The following NAV3 variants were observed in gnomAD, a reference collection of about 807,000 sequenced individuals.
NAV3 encodes neuron navigator 3.
A neutral mutation model predicts 244.7 loss-of-function variants in NAV3; 87 were observed. The ratio of observed to expected loss-of-function variants is 0.36; its 90% CI spans 0.30 to 0.42. The LOEUF is 0.42. Ranked by LOEUF, NAV3 falls within the 20% of genes least tolerant of loss-of-function variation. The pLI, the probability that NAV3 is intolerant of heterozygous loss-of-function variation, is 1.00. For missense variants in NAV3, 2,663 were observed against 2,893.3 expected (o/e 0.92, Z 1.83); for synonymous variants, 1,126 against 1,042.2 (o/e 1.08, Z -1.55).
At chr12:77,997,692 C>A (rs1404131289) in intron 6 of NAV3, among the ~76,000 whole-genome samples, 1 of 152,188 alleles carries the variant, frequency 6.6e-6, no homozygotes, top group Non-Finnish European at 1.5e-5. Flanking sequence ...TGTGAGACAA[C>A]CAGCTAAGTC....
At chr12:78,057,374 C>T (rs1377783717) in intron 11 of NAV3, among the ~76,000 whole-genome samples, 3 of 152,090 alleles carry the variant, frequency 2.0e-5, no homozygotes, top group Non-Finnish European at 4.4e-5. Flanking sequence ...CCTGCTTCTG[C>T]CTTGATCCTC....
chr12:77,737,529 C>T (rs557434919), intron 2 of NAV3, among the ~76,000 whole-genome samples: 8 of 151,718 alleles, frequency 5.3e-5, no homozygotes, highest in South Asian at 2.1e-4. Flanking sequence ...TGCTGTACAC[C>T]GAGGATTAAG....
intron 2 of NAV3, among the ~76,000 whole-genome samples, chr12:77,573,748 G>A (rs1868944136): frequency 1.3e-5 from 2 of 152,140 alleles, no homozygotes; most frequent in Non-Finnish European, 2.9e-5. Flanking sequence ...GAGGGAGGGA[G>A]GTAATAGGTA....
At chr12:78,150,552 T>C (rs1024844666) in intron 22 of NAV3, among the ~76,000 whole-genome samples, 1 of 151,580 alleles carries the variant, frequency 6.6e-6, no homozygotes, top group African/African-American at 2.4e-5. Flanking sequence ...TGATTATTGG[T>C]TTCTTGTGTA....
At chr12:78,116,987 C>T (rs1955415540) in intron 13 of NAV3, 83 bp downstream of exon 13, 3 of 1,453,388 alleles carry the variant, frequency 2.1e-6, no homozygotes, top group Non-Finnish European at 2.8e-6. Context: ...AGGTATAGCA[C>T]AAGCCCTTAA....
chr12:77,900,666 C>T (rs140682422), intron 1 of NAV3, among the ~76,000 whole-genome samples: 18 of 152,130 alleles, frequency 1.2e-4, no homozygotes, highest in Middle Eastern at 3.4e-3. Context: ...AATAGTGCTG[C>T]GATTAACATA....
chr12:77,640,446 G>A (rs1379213741), intron 2 of NAV3, among the ~76,000 whole-genome samples: 1 of 151,878 alleles, frequency 6.6e-6, no homozygotes, highest in Non-Finnish European at 1.5e-5. Context: ...CCCATCCCTG[G>A]TAACCATCAT....
chr12:78,150,388 A>T (rs1175963960), intron 22 of NAV3, among the ~76,000 whole-genome samples: 1 of 152,108 alleles, frequency 6.6e-6, no homozygotes, highest in Non-Finnish European at 1.5e-5. Flanking sequence ...TTGGAATAAT[A>T]AATGGCTGCT....
At chr12:77,578,570 T>A (rs1366008289) in intron 2 of NAV3, among the ~76,000 whole-genome samples, 2 of 152,212 alleles carry the variant, frequency 1.3e-5, no homozygotes, top group East Asian at 3.8e-4. Flanking sequence ...GTATTCATAT[T>A]TGTTTCAGTC....
intron 2 of NAV3, among the ~76,000 whole-genome samples, chr12:77,714,002 C>T (rs1302741497): frequency 6.6e-6 from 1 of 152,042 alleles, no homozygotes; most frequent in Non-Finnish European, 1.5e-5. Flanking sequence ...GATACATTTT[C>T]TGCATAGTAG....
At chr12:78,019,678 A>C (rs1876823995) in intron 8 of NAV3, among the ~76,000 whole-genome samples, 1 of 152,082 alleles carries the variant, frequency 6.6e-6, no homozygotes, top group Admixed American at 6.6e-5. Context: ...TTTTGGCAGG[A>C]AGCTGTGGAA....
intron 2 of NAV3, among the ~76,000 whole-genome samples, chr12:77,731,731 G>A (rs1432553218): frequency 6.6e-6 from 1 of 151,930 alleles, no homozygotes; most frequent in African/African-American, 2.4e-5. Context: ...ACACAGAGTA[G>A]TGCTGTTCTT....
At chr12:77,724,871 C>G (rs112239610) in intron 2 of NAV3, among the ~76,000 whole-genome samples, 428 of 152,084 alleles carry the variant, frequency 2.8e-3, no homozygotes, top group Non-Finnish European at 4.6e-3. Flanking sequence ...AGTTTATGTT[C>G]TGTGCTAATT....
In NAV3 at chr12:78,178,211, G is replaced by A. The variant is rs148249813; in HGVS notation, c.5363+526G>A. 2.0e-5 allele frequency among the ~76,000 whole-genome samples: 3 copies of A among 147,732 alleles called. No individual in the cohort carries two copies. In the East Asian group the frequency reaches 6.0e-4, roughly 30 times the overall value. ...GTCTCACTCTGTCACCCAAGCTCGA[G>A]TGCGATGTCAAGATCTCGGTTCACT... On this transcript the variant is annotated intron_variant, in intron 28 of 39. Transcript: ENST00000397909.
chr12:77,994,160 TTTG>T (rs1184632162), intron 5 of NAV3, among the ~76,000 whole-genome samples: 2 of 152,240 alleles, frequency 1.3e-5, no homozygotes, highest in Non-Finnish European at 2.9e-5. Flanking sequence ...GTCATTAGTA[TTTG>T]TTAAGTTGTT....
intron 2 of NAV3, chr12:77,775,977 T>C (rs752797915): frequency 4.6e-5 from 7 of 152,248 alleles, no homozygotes; most frequent in Non-Finnish European, 1.0e-4. Flanking sequence ...CCAAGGGATA[T>C]AGTCCAAGAT....
At chr12:77,825,953 G>C (rs944726425), upstream of NAV3, among the ~76,000 whole-genome samples, 21 of 152,066 alleles carry the variant, frequency 1.4e-4, no homozygotes, top group African/African-American at 4.6e-4. Flanking sequence ...TAAATTATTA[G>C]AAAAATTCAA....
chr12:77,958,906 A>T (rs1352124014), intron 3 of NAV3, among the ~76,000 whole-genome samples: 1 of 152,146 alleles, frequency 6.6e-6, no homozygotes, highest in East Asian at 1.9e-4. Flanking sequence ...TACAGATTTG[A>T]CTGTTACCTG....
intron 12 of NAV3, among the ~76,000 whole-genome samples, chr12:78,104,383 A>C (rs1232036588): frequency 6.6e-6 from 1 of 152,170 alleles, no homozygotes; most frequent in Non-Finnish European, 1.5e-5. Flanking sequence ...ATTTCATTTT[A>C]ATAATTGTTT....
Sources: gnomAD v4.1 joint callset for allele counts (sites outside exome capture counted in the v4.1 genomes callset) on GRCh38, gnomAD v4.1.1 for gene constraint, MANE v1.5 for transcripts, NCBI Gene and HGNC (gene_info 2026-07-23, HGNC 2026-07-21) for gene names.